The following EDIL3 variants were observed in gnomAD, a reference collection of about 807,000 sequenced individuals.
The protein encoded by EDIL3 is EGF like and discoidin domains 3.
EDIL3 carries 37 observed loss-of-function variants against 67.4 expected under a neutral mutation model. That is an observed-to-expected ratio of 0.55 (90% CI 0.42 to 0.72). The LOEUF (loss-of-function observed/expected upper bound fraction) is 0.72. EDIL3 is among the 30% of genes least tolerant of loss of function. The probability of loss-of-function intolerance (pLI) is 0.00; values close to 1 mark genes in which losing one functional copy is unlikely to be tolerated. For missense variants in EDIL3, 527 were observed against 586.3 expected, an observed-to-expected ratio of 0.90 and a Z score of 1.04; for synonymous variants, 195 against 196.3, an observed-to-expected ratio of 0.99 and a Z score of 0.05.
chr5:84,114,148 G>GTTTTTTT (rs918208407), intron 5 of EDIL3, among the ~76,000 whole-genome samples: 5 of 109,850 alleles, frequency 4.6e-5, no homozygotes, highest in African/African-American at 1.5e-4. Context: ...GAACCCTAAA[G>GTTTTTTT]TTTTTTTTTT....
intron 1 of EDIL3, among the ~76,000 whole-genome samples, chr5:84,342,936 T>C (rs530124736): frequency 6.6e-6 from 1 of 152,218 alleles, no homozygotes; most frequent in Non-Finnish European, 1.5e-5. Context: ...GTTTCCACTT[T>C]GTTTCAGAGA....
intron 5 of EDIL3, among the ~76,000 whole-genome samples, chr5:84,110,357 T>C (rs570869665): frequency 6.6e-6 from 1 of 152,250 alleles, no homozygotes; most frequent in Non-Finnish European, 1.5e-5. Context: ...TCCTATTAAA[T>C]TCAACAGTTA....
At chr5:84,226,358 T>C (rs1432723469) in intron 3 of EDIL3, among the ~76,000 whole-genome samples, 1 of 151,584 alleles carries the variant, frequency 6.6e-6, no homozygotes, top group Non-Finnish European at 1.5e-5. Flanking sequence ...CAGCTATAAA[T>C]TAAAGATATA....
chr5:84,355,282 G>C (rs777572296), intron 1 of EDIL3, among the ~76,000 whole-genome samples: 6 of 151,608 alleles, frequency 4.0e-5, no homozygotes, highest in Non-Finnish European at 7.4e-5. Context: ...TTCGGCTATT[G>C]GTACTTGTGT....
At chr5:84,137,866 C>T (rs1006569388) in intron 4 of EDIL3, among the ~76,000 whole-genome samples, 4 of 152,138 alleles carry the variant, frequency 2.6e-5, no homozygotes, top group African/African-American at 7.2e-5. Flanking sequence ...AGCTAAAGCT[C>T]GTTACATGCA....
At chr5:83,997,188 T>C (rs751481868) in intron 9 of EDIL3, among the ~76,000 whole-genome samples, 60 of 152,182 alleles carry the variant, frequency 3.9e-4, no homozygotes, top group Non-Finnish European at 1.5e-4. Context: ...GATAATGCTA[T>C]ATTAAGCAGT....
intron 3 of EDIL3, among the ~76,000 whole-genome samples, chr5:84,184,675 C>T (rs1749075377): frequency 6.6e-6 from 1 of 152,080 alleles, no homozygotes; most frequent in African/African-American, 2.4e-5. Flanking sequence ...TTCAAGAATC[C>T]AATGGGTTCA....
At chr5:84,170,428 C>T (rs1214851500) in intron 4 of EDIL3, among the ~76,000 whole-genome samples, 1 of 152,172 alleles carries the variant, frequency 6.6e-6, no homozygotes, top group Non-Finnish European at 1.5e-5. Flanking sequence ...GCTAGGTGAC[C>T]ATTAGCAGAG....
Position 84,069,557 on chromosome 5 carries a change from GT to G in EDIL3, c.652-2952del, listed in dbSNP as rs201568029. On this transcript the variant is annotated intron_variant, in intron 6 of 10. Transcript: ENST00000296591. ...ACATGTTTTTTATTTTAAGTTTTTG[GT>G]TTTTTTTTACATGAAAAAGAGCAAA... 2.0e-4 allele frequency among the ~76,000 whole-genome samples: 30 copies of G among 150,588 alleles called. No homozygotes were observed. In the East Asian group the frequency reaches 5.4e-3, roughly 27 times the overall value.
intron 2 of EDIL3, among the ~76,000 whole-genome samples, chr5:84,236,199 A>T (rs914936886): frequency 6.6e-6 from 1 of 152,056 alleles, no homozygotes; most frequent in African/African-American, 2.4e-5. Context: ...AACTAAAACT[A>T]AACTGAACAA....
chr5:84,036,441 G>T (rs116171622), intron 9 of EDIL3, among the ~76,000 whole-genome samples: 1 of 152,124 alleles, frequency 6.6e-6, no homozygotes, highest in Non-Finnish European at 1.5e-5. Flanking sequence ...TAAGAAAATT[G>T]TGCTCCAGAA....
At chr5:84,254,237 T>C (rs759344183) in intron 1 of EDIL3, 25 bp from the exon 2 acceptor site, 5 of 1,591,382 alleles carry the variant, frequency 3.1e-6, no homozygotes, top group African/African-American at 1.4e-5. Context: ...AAAACCGAAA[T>C]TGACATTTTT....
intron 5 of EDIL3, among the ~76,000 whole-genome samples, chr5:84,120,884 A>G (rs891846418): frequency 1.3e-5 from 2 of 151,978 alleles, no homozygotes; most frequent in Admixed American, 1.3e-4. Flanking sequence ...AAAATATGAA[A>G]AGGAATAATG....
At chr5:84,295,163 C>A (rs772757594) in intron 1 of EDIL3, among the ~76,000 whole-genome samples, 1 of 151,600 alleles carries the variant, frequency 6.6e-6, no homozygotes, top group South Asian at 2.1e-4. Context: ...TGCTATATAT[C>A]ATAATATAGA....
intron 3 of EDIL3, among the ~76,000 whole-genome samples, chr5:84,185,954 T>C (rs140737697): frequency 0.014 from 2,056 of 152,208 alleles, 18 homozygotes; most frequent in Non-Finnish European, 0.022. Context: ...ATGAGCAAGA[T>C]AAAATGATCA....
intron 1 of EDIL3, among the ~76,000 whole-genome samples, chr5:84,288,947 T>C (rs1745862489): frequency 1.3e-5 from 2 of 152,120 alleles, no homozygotes; most frequent in Non-Finnish European, 2.9e-5. Context: ...ACTTGTTGAA[T>C]TAAAGTTGAA....
chr5:84,078,145 G>T (rs1746897641), intron 6 of EDIL3, among the ~76,000 whole-genome samples: 1 of 152,048 alleles, frequency 6.6e-6, no homozygotes, highest in South Asian at 2.1e-4. Flanking sequence ...CTATTTCTGG[G>T]TATTTTTCCC....
At chr5:84,125,545 AG>A (rs1747854555) in intron 5 of EDIL3, among the ~76,000 whole-genome samples, 1 of 152,060 alleles carries the variant, frequency 6.6e-6, no homozygotes, top group Admixed American at 6.6e-5. Context: ...GATACAAGAA[AG>A]GAACTAAATC....
chr5:84,204,368 A>C (rs978728911), intron 3 of EDIL3, among the ~76,000 whole-genome samples: 1 of 152,166 alleles, frequency 6.6e-6, no homozygotes, highest in African/African-American at 2.4e-5. Flanking sequence ...ATTAGCACAG[A>C]TGTTATTTAC....
Sources: gnomAD v4.1 joint callset for allele counts (sites outside exome capture counted in the v4.1 genomes callset) on GRCh38, gnomAD v4.1.1 for gene constraint, MANE v1.5 for transcripts, NCBI Gene and HGNC (gene_info 2026-07-23, HGNC 2026-07-21) for gene names.